XKR9: variants seen among roughly 807,000 people sequenced by gnomAD.
The protein encoded by XKR9 is XK related 9.
A neutral mutation model predicts 32.0 loss-of-function variants in XKR9; 32 were observed. The ratio of observed to expected loss-of-function variants is 1.00; its 90% CI spans 0.76 to 1.34. The LOEUF is 1.34. XKR9 is among the 40% of genes most tolerant of loss of function. The pLI is 0.00. For missense variants in XKR9, 546 were observed against 429.7 expected (o/e 1.27, Z -2.39); for synonymous variants, 168 against 143.4 (o/e 1.17, Z -1.22).
At chr8:70,950,085 A>C in the XKR9 span, among the ~76,000 whole-genome samples, 1 of 152,308 alleles carries the variant, frequency 6.6e-6, no homozygotes, top group African/African-American at 2.4e-5. Context: ...AGACCAGCTG[A>C]GTTGAGTCCT....
chr8:70,843,954 G>A, the XKR9 span, among the ~76,000 whole-genome samples: 1 of 152,198 alleles, frequency 6.6e-6, no homozygotes, highest in East Asian at 1.9e-4. Context: ...ATACTTCTGA[G>A]TTCACCTGGA....
intron 2 of XKR9, among the ~76,000 whole-genome samples, chr8:70,762,634 C>A (rs1401284449): frequency 6.6e-6 from 1 of 152,152 alleles, no homozygotes; most frequent in Non-Finnish European, 1.5e-5. Flanking sequence ...GTAATGCAGT[C>A]ATCTTAAGTT....
chr8:70,730,979 A>C (rs568053818), intron 4 of XKR9, among the ~76,000 whole-genome samples: 1 of 152,200 alleles, frequency 6.6e-6, no homozygotes, highest in East Asian at 1.9e-4. Flanking sequence ...GCTCTTAAGG[A>C]CACAACACAA....
the XKR9 span, among the ~76,000 whole-genome samples, chr8:70,803,269 G>C: frequency 6.6e-6 from 1 of 152,158 alleles, no homozygotes; most frequent in Non-Finnish European, 1.5e-5. Flanking sequence ...TGAAATTCAT[G>C]AAGAGAATTT....
At chr8:70,671,231 A>G (rs1048867856) in intron 1 of XKR9, among the ~76,000 whole-genome samples, 11 of 152,322 alleles carry the variant, frequency 7.2e-5, no homozygotes, top group Middle Eastern at 3.4e-3. Flanking sequence ...GCTCCCACGT[A>G]TGAATGAGAA....
chr8:70,722,368 G>A (rs1273351842), intron 4 of XKR9, among the ~76,000 whole-genome samples: 2 of 152,154 alleles, frequency 1.3e-5, no homozygotes, highest in Non-Finnish European at 2.9e-5. Flanking sequence ...TTGCACATTA[G>A]TTGATGCAGT....
chr8:70,864,275 G>T, the XKR9 span, among the ~76,000 whole-genome samples: 7 of 152,110 alleles, frequency 4.6e-5, no homozygotes, highest in Non-Finnish European at 7.4e-5. Context: ...AAGAAGTTGT[G>T]CTCTTTAGTT....
At chr8:70,873,635 G>T in the XKR9 span, among the ~76,000 whole-genome samples, 38 of 152,322 alleles carry the variant, frequency 2.5e-4, no homozygotes, top group African/African-American at 9.1e-4. Context: ...AATCAAACTT[G>T]AAAGGATGAG....
chr8:70,848,669 G>A, the XKR9 span, among the ~76,000 whole-genome samples: 21 of 151,020 alleles, frequency 1.4e-4, no homozygotes, highest in East Asian at 1.2e-3. Context: ...AAAATCCATC[G>A]GTGTGCTGTA....
chr8:70,784,890 A>ATT (rs879865952), intron 2 of XKR9, among the ~76,000 whole-genome samples: 1 of 144,670 alleles, frequency 6.9e-6, no homozygotes, highest in Non-Finnish European at 1.5e-5. Context: ...ATTTGGTGAG[A>ATT]TTTTTTTTTT....
the XKR9 span, among the ~76,000 whole-genome samples, chr8:70,832,444 C>T: frequency 6.6e-6 from 1 of 152,058 alleles, no homozygotes; most frequent in African/African-American, 2.4e-5. Context: ...GCTGAATTTC[C>T]ATGACATAGA....
chr8:70,782,636 A>T (rs1807632355), intron 2 of XKR9, among the ~76,000 whole-genome samples: 1 of 151,818 alleles, frequency 6.6e-6, no homozygotes, highest in Non-Finnish European at 1.5e-5. Context: ...TATAAGTTTG[A>T]TTGTTTTAGA....
chr8:70,783,203 A>T (rs1209452028), intron 2 of XKR9, among the ~76,000 whole-genome samples: 1 of 151,502 alleles, frequency 6.6e-6, no homozygotes, highest in East Asian at 1.9e-4. Context: ...TTTAAAAAAT[A>T]TGTCTGTTGG....
chr8:70,921,087 T>C, the XKR9 span, among the ~76,000 whole-genome samples: 5 of 152,318 alleles, frequency 3.3e-5, no homozygotes, highest in South Asian at 2.1e-4. Context: ...ACTTAATAAA[T>C]GCAAGTCCTA....
At chr8:70,797,274 C>A in the XKR9 span, among the ~76,000 whole-genome samples, 1 of 152,056 alleles carries the variant, frequency 6.6e-6, no homozygotes, top group African/African-American at 2.4e-5. Flanking sequence ...TGTCACCTGG[C>A]TGAGAGTACC....
At chr8:70,790,121 A>G (rs927292346) in exon 4 of XKR9, 5 of 151,684 alleles carry the variant, frequency 3.3e-5, no homozygotes, top group Middle Eastern at 3.2e-3. Context: ...GTGATTAAAA[A>G]GAATTGATTA....
At chr8:70,857,072 G>A in the XKR9 span, among the ~76,000 whole-genome samples, 1 of 152,076 alleles carries the variant, frequency 6.6e-6, no homozygotes. Context: ...AACTAGAGAA[G>A]CAAGAGCAAA....
At chr8:70,787,549 G>A (rs1381326923) in intron 2 of XKR9, among the ~76,000 whole-genome samples, 1 of 152,078 alleles carries the variant, frequency 6.6e-6, no homozygotes, top group East Asian at 1.9e-4. Context: ...AGTACACAGT[G>A]CATTCCACCA....
chr8:70,732,213 T>A (rs1806692568), intron 4 of XKR9, among the ~76,000 whole-genome samples: 1 of 152,236 alleles, frequency 6.6e-6, no homozygotes, highest in Admixed American at 6.5e-5. Context: ...CCGAACCATT[T>A]GGGAGAAAGA....
Sources: allele counts gnomAD v4.1 joint callset (sites outside exome capture counted in the v4.1 genomes callset), GRCh38; gene constraint gnomAD v4.1.1; transcripts MANE v1.5; gene names NCBI Gene and HGNC (gene_info 2026-07-23, HGNC 2026-07-21).